Variants in MDGA2 observed in about 807,000 individuals in gnomAD.
MDGA2 encodes MAM domain containing glycosylphosphatidylinositol anchor 2.
A neutral mutation model predicts 117.8 loss-of-function variants in MDGA2; 40 were observed. The ratio of observed to expected loss-of-function variants is 0.34; its 90% CI spans 0.26 to 0.44. MDGA2 has a LOEUF of 0.44. Ranked by LOEUF, MDGA2 falls within the 20% of genes least tolerant of loss-of-function variation. The pLI is 1.00. For missense variants in MDGA2, 1,123 were observed against 1,250.6 expected (o/e 0.90, Z 1.54); for synonymous variants, 452 against 439.0 (o/e 1.03, Z -0.37).
chr14:47,007,668 T>C lies in MDGA2; in HGVS notation c.1819+27343A>G, dbSNP rs375171697. 4.6e-5 allele frequency among the ~76,000 whole-genome samples: 7 copies of C among 151,764 alleles called. No homozygotes were observed. The South Asian group carries it at 8.3e-4, about 18-fold the overall frequency. On this transcript the variant is annotated intron_variant, in intron 8 of 16. Transcript: ENST00000399232. ...GGTCAATTTGTTTTTCCTCCAAGAT[T>C]AGAAAATTAAAGAAGATAGGTAGGA...
At chr14:47,593,666 G>A (rs943378762) in intron 1 of MDGA2, among the ~76,000 whole-genome samples, 1 of 152,048 alleles carries the variant, frequency 6.6e-6, no homozygotes, top group African/African-American at 2.4e-5. Flanking sequence ...TCATAAGTGT[G>A]AACTGAACAA....
intron 2 of MDGA2, among the ~76,000 whole-genome samples, chr14:47,267,579 A>AT (rs1888008883): frequency 6.6e-6 from 1 of 151,978 alleles, no homozygotes; most frequent in Non-Finnish European, 1.5e-5. Flanking sequence ...TTTTTCCATT[A>AT]TTTTCTGGAA....
At chr14:47,201,224 A>C in intron 3 of MDGA2, 1 of 509,956 alleles carries the variant, frequency 2.0e-6, no homozygotes, top group Non-Finnish European at 3.6e-6. Flanking sequence ...TCTCTCTTAC[A>C]TGATTCCTGC....
At position 47,674,643 on chromosome 14, in the gene MDGA2, G is replaced by A. The variant is rs774548360; in HGVS notation, c.154C>T (p.Leu52=). ...CAGGGGGTACGCAACGGGACCTTCAGGAGGCCGGCGGCCAGCCAGGCGCGC... is the reference window on the plus strand; with the variant it reads ...CAGGGGGTACGCAACGGGACCTTCAAGAGGCCGGCGGCCAGCCAGGCGCGC... ...VERAWLAAGL[L]KVPLRTPWAG... is the part of the protein sequence containing the mutation. Residue 52 remains leucine, a synonymous_variant, in exon 1 of 17, where the codon CTG becomes TTG. Coordinates refer to ENST00000399232, the MANE Select transcript of MDGA2 (RefSeq NM_001113498.3). 6.0e-6 allele frequency: 9 copies of A among 1,503,810 alleles called. No individual in the cohort carries two copies. In the South Asian group the frequency reaches 1.1e-4, roughly 18 times the overall value. 93.2% of individuals were successfully genotyped at this position (1,503,810 alleles called of 1,614,324 possible). A position where few individuals can be genotyped will look rare whatever the true frequency, so the allele number is the denominator to read the frequency against.
chr14:47,005,342 T>A (rs1887673585), intron 8 of MDGA2, among the ~76,000 whole-genome samples: 2 of 151,600 alleles, frequency 1.3e-5, no homozygotes, highest in African/African-American at 4.8e-5. Flanking sequence ...TTTCAACAAA[T>A]TTTGGGGGCA....
At chr14:47,613,673 T>C (rs1248008811) in intron 1 of MDGA2, among the ~76,000 whole-genome samples, 1 of 152,174 alleles carries the variant, frequency 6.6e-6, no homozygotes, top group African/African-American at 2.4e-5. Context: ...TATATATAGC[T>C]ATCCTGATTT....
intron 1 of MDGA2, among the ~76,000 whole-genome samples, chr14:47,645,467 C>G (rs1162626265): frequency 6.6e-6 from 1 of 151,778 alleles, no homozygotes; most frequent in Non-Finnish European, 1.5e-5. Context: ...ATCTCCTGAC[C>G]TCAAGATCCG....
chr14:47,195,615 GAT>G (rs749370652), intron 3 of MDGA2, among the ~76,000 whole-genome samples: 52 of 152,184 alleles, frequency 3.4e-4, no homozygotes, highest in Non-Finnish European at 2.9e-4. Context: ...TATAAAAAGA[GAT>G]AAGTTCAAGC....
intron 6 of MDGA2, among the ~76,000 whole-genome samples, chr14:47,070,102 C>T (rs1890225057): frequency 6.6e-6 from 1 of 151,982 alleles, no homozygotes; most frequent in Non-Finnish European, 1.5e-5. Flanking sequence ...TTTAAATGTA[C>T]AATTAAATAA....
intron 1 of MDGA2, among the ~76,000 whole-genome samples, chr14:47,463,702 T>C (rs1893539633): frequency 6.6e-6 from 1 of 152,192 alleles, no homozygotes; most frequent in African/African-American, 2.4e-5. Flanking sequence ...ATATACTTAG[T>C]ATTATTAAAA....
At chr14:46,869,328 AT>A (rs1881904777) in intron 14 of MDGA2, among the ~76,000 whole-genome samples, 1 of 148,784 alleles carries the variant, frequency 6.7e-6, no homozygotes, top group African/African-American at 2.5e-5. Flanking sequence ...CTTTTGTCAT[AT>A]CTAGTGATCT....
chr14:46,982,071 T>C lies in MDGA2; in HGVS notation c.1820-24428A>G, dbSNP rs142224032. ...CATAAGTATTTGAGCATCACCTAAA[T>C]ATTAAATACTCTTTCAGACATAGTA... On this transcript the variant is annotated intron_variant, in intron 8 of 16. Transcript: ENST00000399232. 4.0e-3 allele frequency among the ~76,000 whole-genome samples: 607 copies of C among 152,310 alleles called. 3 individuals are homozygous for C. The highest frequency in any genetic ancestry group is 0.014 in the African/African-American group (585 of 41,574).
chr14:46,900,117 A>G (rs1436933872), intron 10 of MDGA2, among the ~76,000 whole-genome samples: 1 of 152,170 alleles, frequency 6.6e-6, no homozygotes, highest in Non-Finnish European at 1.5e-5. Context: ...AACATCTGAA[A>G]TATCATCGGG....
chr14:47,184,228 T>G (rs1884824337), intron 3 of MDGA2, among the ~76,000 whole-genome samples: 1 of 152,006 alleles, frequency 6.6e-6, no homozygotes, highest in South Asian at 2.1e-4. Context: ...CTCTTTTGCT[T>G]CGATATTCCT....
chr14:47,618,513 A>G (rs8003772), intron 1 of MDGA2, among the ~76,000 whole-genome samples: 7,724 of 152,024 alleles, frequency 0.051, 497 homozygotes, highest in East Asian at 0.22. Context: ...AAAACTCTCT[A>G]CTTCAATTTT....
chr14:47,599,068 CTATT>C (rs752015712), intron 1 of MDGA2, among the ~76,000 whole-genome samples: 11 of 151,838 alleles, frequency 7.2e-5, no homozygotes, highest in Non-Finnish European at 1.5e-4. Flanking sequence ...ATGTCATTCT[CTATT>C]TGTTTCCCAT....
intron 1 of MDGA2, among the ~76,000 whole-genome samples, chr14:47,643,329 G>A (rs1897464847): frequency 6.6e-6 from 1 of 151,904 alleles, no homozygotes; most frequent in South Asian, 2.1e-4. Flanking sequence ...TAGCATCTAT[G>A]GTGCTTCTTG....
intron 2 of MDGA2, among the ~76,000 whole-genome samples, chr14:47,227,291 G>A (rs561545560): frequency 7.2e-5 from 11 of 152,168 alleles, no homozygotes; most frequent in Non-Finnish European, 8.8e-5. Context: ...ACTCTTAGCC[G>A]ATGAATGATT....
At chr14:47,452,126 G>T (rs1893254457) in intron 1 of MDGA2, among the ~76,000 whole-genome samples, 1 of 152,044 alleles carries the variant, frequency 6.6e-6, no homozygotes, top group African/African-American at 2.4e-5. Flanking sequence ...GCATTGAGTG[G>T]TAACAAGCAG....
Sources: gnomAD v4.1 joint callset for allele counts (sites outside exome capture counted in the v4.1 genomes callset) on GRCh38, gnomAD v4.1.1 for gene constraint, MANE v1.5 for transcripts, NCBI Gene and HGNC (gene_info 2026-07-23, HGNC 2026-07-21) for gene names.